YAE1: variants seen among roughly 807,000 people sequenced by gnomAD.
The protein encoded by YAE1 is protein YAE1 homolog.
YAE1 carries 22 observed loss-of-function variants against 23.0 expected under a neutral mutation model. That is an observed-to-expected ratio of 0.96 (90% CI 0.68 to 1.37). YAE1 has a LOEUF of 1.37. YAE1 is among the 40% of genes most tolerant of loss of function. YAE1 has a pLI of 0.00. For synonymous variants in YAE1, 101 were observed against 97.0 expected (o/e 1.04, Z -0.24); for missense variants, 260 against 262.1 (o/e 0.99, Z 0.06).
chr7:39,604,436 A>T (rs556567134), intron 2 of YAE1, among the ~76,000 whole-genome samples: 8 of 152,342 alleles, frequency 5.3e-5, no homozygotes, highest in African/African-American at 1.9e-4. Flanking sequence ...CAAGGGGGAT[A>T]AGTCGATACC....
At chr7:39,575,824 A>G (rs1343995983), downstream of YAE1, among the ~76,000 whole-genome samples, 1 of 152,188 alleles carries the variant, frequency 6.6e-6, no homozygotes, top group African/African-American at 2.4e-5. Context: ...ATAGCCAGTC[A>G]CACAACTGTC....
At chr7:39,588,563 A>C (rs1032566022) in intron 2 of YAE1, among the ~76,000 whole-genome samples, 1 of 151,748 alleles carries the variant, frequency 6.6e-6, no homozygotes, top group Non-Finnish European at 1.5e-5. Flanking sequence ...CACACACTGC[A>C]CAGTAGTCGC....
At chr7:39,602,755 T>C (rs1045479638) in intron 2 of YAE1, among the ~76,000 whole-genome samples, 1 of 90,808 alleles carries the variant, frequency 1.1e-5, no homozygotes, top group Admixed American at 1.2e-4. Flanking sequence ...TGTTTGTTTG[T>C]TTGTTTGTTT....
chr7:39,598,504 CA>C lies in YAE1; in HGVS notation c.252-11112del, dbSNP rs528776650. On this transcript the variant is annotated intron_variant, in intron 2 of 2. Coordinates refer to the YAE1 transcript ENST00000432096. ...AAAAAAGAAAGCAACAGGCAAGGTG[CA>C]GTGGCTCACACCTATAATCCCAGCC... Among the ~76,000 whole-genome samples the C allele has an allele frequency of 9.5e-3, 1,443 of 151,178 alleles. 14 individuals are homozygous for C. The highest frequency in any genetic ancestry group is 0.015 in the Non-Finnish European group (1,006 of 67,930).
At chr7:39,609,634 G>A (rs1169055251) in exon 3 of YAE1, 2 of 1,535,032 alleles carry the variant, frequency 1.3e-6, no homozygotes, top group Non-Finnish European at 1.7e-6. Context: ...ACGGATTGGA[G>A]CCTACTGGGC....
Position 39,572,634 on chromosome 7 carries a change from G to A in YAE1, c.609G>A (p.Leu203=). The A allele has an allele frequency of 6.2e-7, 1 of 1,613,864 alleles. No homozygotes were observed. Among genetic ancestry groups the A allele is most frequent in the Non-Finnish European group, 8.5e-7 (1 of 1,179,896 alleles). ...HSENPSPTWI[L]EQTASLVKQL... is the part of the protein sequence containing the mutation. ...AAAACCCAAGCCCCACATGGATTTTGGAACAGACAGCCAGTTTAGTTAAAC... is the reference window on the plus strand; with the variant it reads ...AAAACCCAAGCCCCACATGGATTTTAGAACAGACAGCCAGTTTAGTTAAAC... The change falls in exon 3 of 3, where the codon TTG becomes TTA. Residue 203 remains leucine (L), a synonymous_variant. Coordinates refer to ENST00000223273, the MANE Select transcript of YAE1 (RefSeq NM_020192.5).
chr7:39,587,623 A>G (rs1790839465), intron 2 of YAE1, among the ~76,000 whole-genome samples: 2 of 152,318 alleles, frequency 1.3e-5, no homozygotes, highest in Non-Finnish European at 2.9e-5. Context: ...CATGCAACAC[A>G]TCTGCCACAT....
intron 2 of YAE1, among the ~76,000 whole-genome samples, chr7:39,582,750 G>T (rs1790763634): frequency 6.6e-6 from 1 of 152,074 alleles, no homozygotes; most frequent in Non-Finnish European, 1.5e-5. Flanking sequence ...TCTTTAGTGT[G>T]AACATGATAC....
chr7:39,600,937 A>G (rs1315382076), intron 2 of YAE1, among the ~76,000 whole-genome samples: 1 of 152,126 alleles, frequency 6.6e-6, no homozygotes, highest in Non-Finnish European at 1.5e-5. Context: ...GAGACAAACT[A>G]TTTCTGTCGT....
At chr7:39,610,414 A>G, downstream of YAE1, 1 of 454,682 alleles carries the variant, frequency 2.2e-6, no homozygotes, top group South Asian at 1.6e-5. Context: ...CTGCAGGTCC[A>G]TTTTATACGA....
At chr7:39,609,859 G>A (rs1346764233) in exon 3 of YAE1, 2 of 1,533,718 alleles carry the variant, frequency 1.3e-6, no homozygotes, top group Non-Finnish European at 1.7e-6. Flanking sequence ...CACCGCCGGC[G>A]TTTCAGACGC....
intron 2 of YAE1, 130 bp from the exon 3 acceptor site, chr7:39,572,147 T>C: frequency 1.0e-6 from 1 of 963,702 alleles, no homozygotes; most frequent in Non-Finnish European, 1.5e-6. Context: ...GTATATAGAG[T>C]TATGAAAGAG....
At chr7:39,592,563 G>A (rs529471093) in intron 2 of YAE1, among the ~76,000 whole-genome samples, 8 of 152,198 alleles carry the variant, frequency 5.3e-5, no homozygotes, top group South Asian at 2.1e-4. Context: ...CAATAAAGCC[G>A]TAGTAAAGTC....
chr7:39,579,674 A>T (rs1474982203), intron 2 of YAE1, among the ~76,000 whole-genome samples: 1 of 151,642 alleles, frequency 6.6e-6, no homozygotes, highest in Non-Finnish European at 1.5e-5. Context: ...TCTCAAAAAA[A>T]AAAAAAAATC....
At chr7:39,572,865 ATGTAATATAAGCCTTTTTTCTT>A in exon 3 of YAE1, 1 of 1,320,538 alleles carries the variant, frequency 7.6e-7, no homozygotes. Flanking sequence ...ACACTATTAA[ATGTAATATAAGCCTTTTTTCTT>A]TGTCACTGGT....
At chr7:39,585,565 C>T (rs1790802801) in intron 2 of YAE1, among the ~76,000 whole-genome samples, 1 of 152,200 alleles carries the variant, frequency 6.6e-6, no homozygotes, top group African/African-American at 2.4e-5. Flanking sequence ...TTCAACCCAC[C>T]CGTTCTGTGG....
intron 1 of YAE1, chr7:39,569,737 G>A: frequency 2.7e-6 from 2 of 740,616 alleles, no homozygotes; most frequent in Admixed American, 3.5e-5. Flanking sequence ...AGCTGAAAGA[G>A]TGCTGACGTA....
intron 1 of YAE1, chr7:39,570,072 G>T: frequency 8.2e-7 from 1 of 1,221,892 alleles, no homozygotes; most frequent in South Asian, 1.2e-5. Flanking sequence ...CCTCCTTCCA[G>T]CAGCTCTCTC....
chr7:39,593,799 TATATGTTCATTC>T, intron 2 of YAE1, among the ~76,000 whole-genome samples: 1 of 152,354 alleles, frequency 6.6e-6, no homozygotes. Flanking sequence ...TGAGATTTCC[TATATGTTCATTC>T]ATTTAAATTA....
Sources: gnomAD v4.1 joint callset for allele counts (sites outside exome capture counted in the v4.1 genomes callset) on GRCh38, gnomAD v4.1.1 for gene constraint, MANE v1.5 for transcripts, NCBI Gene and HGNC (gene_info 2026-07-23, HGNC 2026-07-21) for gene names.